SYNJ2: variants seen among roughly 807,000 people sequenced by gnomAD.
SYNJ2 encodes the protein polyphosphatidylinositol phosphatase SYNJ2.
Under a neutral mutation model 141.3 loss-of-function variants are expected in SYNJ2, and 116 were observed. That is an observed-to-expected ratio of 0.82 (90% confidence interval 0.71 to 0.96). SYNJ2 has a LOEUF of 0.96. Among genes scored for constraint, SYNJ2 ranks in the 40% least tolerant of loss-of-function variants. The pLI is 0.00. For synonymous variants in SYNJ2, 745 were observed against 777.7 expected (o/e 0.96, Z 0.70); for missense variants, 1,873 against 1,934.8 (o/e 0.97, Z 0.60).
rs1193409661 is a variant in SYNJ2, at chr6:158,062,069, G to A, written c.1032G>A (p.Gly344=). The A allele has an allele frequency of 6.2e-7, 1 of 1,614,190 alleles. No homozygotes were observed. Among genetic ancestry groups the A allele is most frequent in the East Asian group, 2.2e-5 (1 of 44,884 alleles). The change falls in exon 8 of 27, where the codon GGG becomes GGA. Residue 344 remains glycine (G), a synonymous_variant. Coordinates refer to ENST00000355585, the MANE Select transcript of SYNJ2 (RefSeq NM_003898.4). ...NFDFHQFAKG[G]KLEKLETLLR... is the part of the protein sequence containing the mutation. ...ACTTCCATCAGTTTGCCAAAGGTGG[G>A]AAGCTAGAGAAATTGGAGACCCTCT...
chr6:158,062,968 C>T (rs754522818), intron 8 of SYNJ2, among the ~76,000 whole-genome samples: 1 of 152,076 alleles, frequency 6.6e-6, no homozygotes, highest in Non-Finnish European at 1.5e-5. Context: ...AGAAAATGCA[C>T]GTTAAGATAA....
Position 157,982,229 on chromosome 6 carries a change from G to A in SYNJ2, c.127+141G>A. ...GGGCGTAGGGGTCGCGCGCAGAGGGGTGGCTGTTTGAATGAAGTGGGGCTG... is the reference window on the plus strand; with the variant it reads ...GGGCGTAGGGGTCGCGCGCAGAGGGATGGCTGTTTGAATGAAGTGGGGCTG... On this transcript the variant is annotated intron_variant, in intron 1 of 26. Coordinates refer to ENST00000355585, the MANE Select transcript of SYNJ2 (RefSeq NM_003898.4). The surrounding 1 kb of genome is among the most constrained non-coding windows in gnomAD (Gnocchi z 4.0). 1 of 1,140,222 alleles carries A rather than the reference G, an allele frequency of 8.8e-7. No homozygotes were observed. Among genetic ancestry groups the A allele is most frequent in the South Asian group, 3.6e-5 (1 of 27,854 alleles). 70.6% of individuals were successfully genotyped at this position (1,140,222 alleles called of 1,614,324 possible).
At chr6:158,047,935 A>T (rs1451141112) in intron 5 of SYNJ2, among the ~76,000 whole-genome samples, 1 of 152,158 alleles carries the variant, frequency 6.6e-6, no homozygotes, top group Admixed American at 6.5e-5. Context: ...TGGTGCCGTG[A>T]GCACTGAATG....
intron 12 of SYNJ2, chr6:158,067,684 AGCTGCC>A (rs1781649434): frequency 1.0e-6 from 1 of 985,268 alleles, no homozygotes; most frequent in South Asian, 4.7e-5. Context: ...CATGCCCCAC[AGCTGCC>A]TGGGTAGTAC....
At chr6:158,069,764 C>T in intron 14 of SYNJ2, 91 bp downstream of exon 14, 1 of 1,417,024 alleles carries the variant, frequency 7.1e-7, no homozygotes, top group Non-Finnish European at 9.4e-7. Flanking sequence ...CCCCCATCCC[C>T]TTCTGTAACA....
At chr6:157,984,944 C>T (rs1044942843) in intron 1 of SYNJ2, among the ~76,000 whole-genome samples, 7 of 151,684 alleles carry the variant, frequency 4.6e-5, no homozygotes, top group Admixed American at 4.6e-4. Context: ...GTGGTCTTTC[C>T]CGGCCCCTGA....
intron 1 of SYNJ2, among the ~76,000 whole-genome samples, chr6:157,990,758 A>G (rs1274828421): frequency 6.6e-6 from 1 of 152,172 alleles, no homozygotes; most frequent in East Asian, 1.9e-4. Flanking sequence ...GTGGTTCTAC[A>G]TTGACTTCTT....
At chr6:158,012,489 C>T (rs954073872) in intron 1 of SYNJ2, among the ~76,000 whole-genome samples, 2 of 152,190 alleles carry the variant, frequency 1.3e-5, no homozygotes, top group South Asian at 4.1e-4. Context: ...AGCCGAGAGC[C>T]AAGGAATCCA....
intron 7 of SYNJ2, among the ~76,000 whole-genome samples, chr6:158,060,159 G>T (rs1781126114): frequency 6.6e-6 from 1 of 152,162 alleles, no homozygotes; most frequent in Non-Finnish European, 1.5e-5. Flanking sequence ...CTCTTCCTCG[G>T]GCTTTCATGG....
chr6:158,077,650 T>TAAAAAAAAA (rs56028079), intron 17 of SYNJ2: 20 of 128,200 alleles, frequency 1.6e-4, no homozygotes, highest in African/African-American at 5.4e-4. Flanking sequence ...AACTAGTACA[T>TAAAAAAAAA]AAAAAAAAAA....
chr6:158,058,144 A>C (rs1780983191), intron 6 of SYNJ2, among the ~76,000 whole-genome samples: 1 of 152,246 alleles, frequency 6.6e-6, no homozygotes, highest in African/African-American at 2.4e-5. Context: ...AATTTGGAAA[A>C]GAGAAAGATG....
At chr6:157,986,864 G>C (rs927441516) in intron 1 of SYNJ2, among the ~76,000 whole-genome samples, 1 of 150,828 alleles carries the variant, frequency 6.6e-6, no homozygotes, top group Admixed American at 6.6e-5. Context: ...TTATGAAAAC[G>C]TGAATCTCCT....
chr6:157,995,484 C>T (rs1777604279), intron 1 of SYNJ2, among the ~76,000 whole-genome samples: 1 of 152,224 alleles, frequency 6.6e-6, no homozygotes, highest in Non-Finnish European at 1.5e-5. Context: ...TCTGAACACT[C>T]CTAAGGTATT....
At chr6:158,061,085 G>C (rs535867243) in intron 7 of SYNJ2, among the ~76,000 whole-genome samples, 23 of 152,266 alleles carry the variant, frequency 1.5e-4, no homozygotes, top group Non-Finnish European at 2.8e-4. Flanking sequence ...AGCAAGACTT[G>C]CTTGATGATG....
intron 7 of SYNJ2, among the ~76,000 whole-genome samples, chr6:158,060,474 T>G (rs537788381): frequency 2.4e-4 from 36 of 152,344 alleles, no homozygotes; most frequent in Admixed American, 2.1e-3. Flanking sequence ...AAGATATCCC[T>G]TACAGAGAGA....
rs969362664 is a variant in SYNJ2 at position 158,099,096 on chromosome 6, A to C, written c.*2732A>C. On this transcript the variant is annotated 3_prime_UTR_variant, in exon 27 of 27. Transcript: ENST00000355585. The stretch of plus-strand genomic sequence containing the variant: ...ATTATTGGGGGACTAGTGATTAATA[A>C]AATCCTGTAATATTTTTGAAGTGAA... 6.6e-6 allele frequency: 1 copy of C among 152,164 alleles called. No homozygotes were observed. Among genetic ancestry groups the C allele is most frequent in the African/African-American group, 2.4e-5 (1 of 41,398 alleles). The allele number at this position is 152,164 out of a possible 1,614,324, so 9.4% of individuals were successfully genotyped here.
intron 25 of SYNJ2, among the ~76,000 whole-genome samples, chr6:158,091,718 C>G (rs1207229830): frequency 6.7e-6 from 1 of 150,008 alleles, no homozygotes; most frequent in Non-Finnish European, 1.5e-5. Context: ...CCACTGCACT[C>G]CAGCCTGGGT....
chr6:158,065,610 G>A (rs191162055), intron 11 of SYNJ2, among the ~76,000 whole-genome samples: 1 of 152,342 alleles, frequency 6.6e-6, no homozygotes, highest in East Asian at 1.9e-4. Flanking sequence ...TTATAAGAAT[G>A]TACAAGTGTC....
chr6:158,016,508 T>C (rs188696943), intron 1 of SYNJ2, among the ~76,000 whole-genome samples: 12 of 152,298 alleles, frequency 7.9e-5, no homozygotes, highest in Admixed American at 7.8e-4. Context: ...TATTTTGTTC[T>C]GTGCACTTAA....
Sources: gnomAD v4.1 joint callset for allele counts (sites outside exome capture counted in the v4.1 genomes callset) on GRCh38, gnomAD v4.1.1 for gene constraint, Gnocchi (gnomAD v3.1) non-coding constraint, MANE v1.5 for transcripts, NCBI Gene and HGNC (gene_info 2026-07-23, HGNC 2026-07-21) for gene names.